Variants in DUSP15 observed in about 807,000 individuals in gnomAD.
DUSP15 encodes the protein dual specificity protein phosphatase 15.
Under a neutral mutation model 26.3 loss-of-function variants are expected in DUSP15, and 23 were observed. The observed-to-expected ratio is 0.87, with a 90% confidence interval of 0.63 to 1.24. DUSP15 has a LOEUF of 1.24. DUSP15 is among the 50% of genes most tolerant of loss of function. The probability of loss-of-function intolerance (pLI) is 0.00; values close to 1 mark genes in which losing one functional copy is unlikely to be tolerated. For missense variants in DUSP15, 364 were observed against 320.6 expected, an observed-to-expected ratio of 1.14 and a Z score of -1.03; for synonymous variants, 143 against 135.5, an observed-to-expected ratio of 1.06 and a Z score of -0.39.
chr20:31,847,299 C>A (rs779505147), downstream of DUSP15, among the ~76,000 whole-genome samples: 4 of 152,132 alleles, frequency 2.6e-5, no homozygotes, highest in Non-Finnish European at 4.4e-5. Flanking sequence ...ACTGCCTCTT[C>A]AGTGAGGGGC....
At chr20:31,868,967 C>G (rs573399215) in intron 2 of DUSP15, among the ~76,000 whole-genome samples, 2 of 152,268 alleles carry the variant, frequency 1.3e-5, no homozygotes, top group Admixed American at 1.3e-4. Context: ...GGCTCACCGC[C>G]CCCCCAACTT....
intron 6 of DUSP15, among the ~76,000 whole-genome samples, chr20:31,854,866 C>T (rs2062536373): frequency 6.6e-6 from 1 of 152,194 alleles, no homozygotes; most frequent in Non-Finnish European, 1.5e-5. Context: ...AGGGGAAATA[C>T]AGGGCTAGGT....
chr20:31,869,576 C>T lies in DUSP15; in HGVS notation c.43G>A (p.Gly15Arg), dbSNP rs771823769. ...GGGCAGTGCTCACCAATGAAGTTTCCGAGGTAGAGTCCAGGAAGTACCTAG... is the reference window on the plus strand; with the variant it reads ...GGGCAGTGCTCACCAATGAAGTTTCTGAGGTAGAGTCCAGGAAGTACCTAG... ...MTKVLPGLYL[G>R]NFIDAKDLDQ... The change falls in exon 2 of 7, where the codon GGA becomes AGA. Residue 15 changes from glycine to arginine, a missense_variant. Coordinates refer to ENST00000339738, the MANE Select transcript of DUSP15 (RefSeq NM_080611.5). The T allele has an allele frequency of 5.0e-6, 8 of 1,613,422 alleles. No individual in the cohort carries two copies. The highest frequency in any genetic ancestry group is 2.2e-5 in the East Asian group (1 of 44,848).
chr20:31,863,948 G>T lies in DUSP15; in HGVS notation c.222C>A (p.Ile74=). ...TCCCCCCATTAAGGCGGCAGCAGTG[G>T]ATGAAGTTGATACATTCTTTGAAGT... The part of the protein sequence containing the change: ...KKHFKECINF[I]HCCRLNGGNC... The change falls in exon 5 of 7, where the codon ATC becomes ATA. Residue 74 remains isoleucine (I), a synonymous_variant. Coordinates refer to ENST00000339738, the MANE Select transcript of DUSP15 (RefSeq NM_080611.5). 1.2e-6 allele frequency: 2 copies of T among 1,614,072 alleles called. No individual in the cohort carries two copies. The highest frequency in any genetic ancestry group is 8.5e-7 in the Non-Finnish European group (1 of 1,179,984).
chr20:31,870,268 CGGCGGCCGG>C lies in DUSP15; in HGVS notation c.21+40_21+48del. ...GACCGAGCTGGTCAGCGCCGGGCCG[CGGCGGCCGG>C]GGCGGGGACCGGGGAGGCTGCGCGG... is the stretch of plus-strand genomic sequence containing the variant. On this transcript the variant is annotated intron_variant, in intron 1 of 6. Transcript: ENST00000339738. This position sits in a 1 kb window ranked among gnomAD's most constrained non-coding sequence, Gnocchi z 6.6. The C allele has an allele frequency of 8.2e-7, 1 of 1,225,966 alleles. No individual in the cohort carries two copies. The highest frequency in any genetic ancestry group is 1.0e-6 in the Non-Finnish European group (1 of 984,170). 75.9% of individuals were successfully genotyped at this position (1,225,966 alleles called of 1,614,324 possible).
chr20:31,863,464 T>C (rs1227400036), intron 5 of DUSP15, among the ~76,000 whole-genome samples: 1 of 152,106 alleles, frequency 6.6e-6, no homozygotes, highest in Non-Finnish European at 1.5e-5. Flanking sequence ...AGTTAAGGAA[T>C]GAATGACATC....
chr20:31,870,397 C>A lies in DUSP15; in HGVS notation c.-60G>T. ...CTCGCCGCCCGGGAAGCGATCCGGTCACAGCTGCCCTGACGGCCCAGGCCC... is the reference window on the plus strand; with the variant it reads ...CTCGCCGCCCGGGAAGCGATCCGGTAACAGCTGCCCTGACGGCCCAGGCCC... On this transcript the variant is annotated 5_prime_UTR_variant, in exon 1 of 7. Transcript: ENST00000339738. The surrounding 1 kb of genome is among the most constrained non-coding windows in gnomAD (Gnocchi z 6.6). 1 of 1,284,438 alleles carries A rather than the reference C, an allele frequency of 7.8e-7. No homozygotes were observed. Among genetic ancestry groups the A allele is most frequent in the South Asian group, 3.3e-5 (1 of 30,554 alleles). The allele number at this position is 1,284,438 out of a possible 1,614,324, so 79.6% of individuals were successfully genotyped here.
In DUSP15 at chr20:31,870,046, ACTGGGAGACAGC is replaced by A. The variant is rs2062887033; in HGVS notation, c.21+259_21+270del. On this transcript the variant is annotated intron_variant, in intron 1 of 6. Coordinates refer to ENST00000339738, the MANE Select transcript of DUSP15 (RefSeq NM_080611.5). This position sits in a 1 kb window ranked among gnomAD's most constrained non-coding sequence, Gnocchi z 6.6. The stretch of plus-strand genomic sequence containing the variant: ...CACATGCAGACGGAGAGCAGGACTC[ACTGGGAGACAGC>A]CTGGGAGTGACAGCCACAGCAAGAC... 1 of 1,283,020 alleles carries A rather than the reference ACTGGGAGACAGC, an allele frequency of 7.8e-7. No individual in the cohort carries two copies. Among genetic ancestry groups the A allele is most frequent in the Non-Finnish European group, 9.8e-7 (1 of 1,016,594 alleles). The allele number at this position is 1,283,020 out of a possible 1,614,324, so 79.5% of individuals were successfully genotyped here. A position where few individuals can be genotyped will look rare whatever the true frequency, so the allele number is the denominator to read the frequency against.
At chr20:31,852,686 C>T (rs1345556430) in intron 6 of DUSP15, among the ~76,000 whole-genome samples, 2 of 152,212 alleles carry the variant, frequency 1.3e-5, no homozygotes, top group Non-Finnish European at 2.9e-5. Flanking sequence ...TGGCAGGCGC[C>T]TGTAATCCCA....
At chr20:31,850,104 G>T (rs2062443053) in intron 7 of DUSP15, among the ~76,000 whole-genome samples, 1 of 152,242 alleles carries the variant, frequency 6.6e-6, no homozygotes, top group Admixed American at 6.5e-5. Context: ...GTTAAAAGCT[G>T]GGGCCATCTG....
In DUSP15 at chr20:31,855,857, A is replaced by G. The variant is rs561595247; in HGVS notation, c.427-5181T>C. ...TGAGCCTTCACCTTTGGAGTCAGTG[A>G]TGACTTGGAAGAAGCACTGAGTTGG... On this transcript the variant is annotated intron_variant, in intron 6 of 9. Coordinates refer to the DUSP15 transcript ENST00000278979. Among the ~76,000 whole-genome samples the G allele has an allele frequency of 6.6e-5, 10 of 152,334 alleles. No homozygotes were observed. In the South Asian group the frequency reaches 1.7e-3, roughly 25 times the overall value.
intron 8 of DUSP15, chr20:31,849,539 G>T: frequency 1.1e-6 from 1 of 907,408 alleles, no homozygotes; most frequent in South Asian, 1.3e-5. Context: ...CCGTCCTACC[G>T]CCTGGAGGAA....
In DUSP15 at chr20:31,870,260, C is replaced by T. The variant is rs2123330052; in HGVS notation, c.21+57G>A. The T allele has an allele frequency of 1.6e-6, 2 of 1,225,826 alleles. No individual in the cohort carries two copies. The highest frequency in any genetic ancestry group is 4.1e-5 in the South Asian group (1 of 24,198). 75.9% of individuals were successfully genotyped at this position (1,225,826 alleles called of 1,614,324 possible). Reference sequence around the variant, plus strand: ...GGCGGGCGGACCGAGCTGGTCAGCGCCGGGCCGCGGCGGCCGGGGCGGGGA... The same window carrying T: ...GGCGGGCGGACCGAGCTGGTCAGCGTCGGGCCGCGGCGGCCGGGGCGGGGA... On this transcript the variant is annotated intron_variant, in intron 1 of 6. Transcript: ENST00000339738. The surrounding 1 kb of genome is among the most constrained non-coding windows in gnomAD (Gnocchi z 6.6).
chr20:31,848,827 C>T (rs1336553216), exon 9 of DUSP15: 3 of 1,612,038 alleles, frequency 1.9e-6, no homozygotes, highest in Non-Finnish European at 2.5e-6. Context: ...TGAGCTGCTC[C>T]TTGGGGTGCT....
downstream of DUSP15, among the ~76,000 whole-genome samples, chr20:31,846,438 T>TG: frequency 9.2e-6 from 1 of 108,412 alleles, no homozygotes; most frequent in African/African-American, 5.3e-5. Context: ...GTGAAAGGAA[T>TG]GAATAGAGAG....
At chr20:31,868,272 TACTC>T (rs1028854649) in intron 2 of DUSP15, among the ~76,000 whole-genome samples, 3 of 152,024 alleles carry the variant, frequency 2.0e-5, no homozygotes, top group Non-Finnish European at 2.9e-5. Flanking sequence ...CTTGGCCAAA[TACTC>T]ACAGAAATCA....
chr20:31,869,069 C>T (rs1024264706), intron 2 of DUSP15, among the ~76,000 whole-genome samples: 5 of 152,184 alleles, frequency 3.3e-5, no homozygotes, highest in Non-Finnish European at 5.9e-5. Context: ...AGCCCATCTC[C>T]AGGGACCTCT....
chr20:31,849,404 C>G (rs2062424407), intron 8 of DUSP15: 3 of 456,274 alleles, frequency 6.6e-6, no homozygotes, highest in Non-Finnish European at 1.2e-5. Flanking sequence ...CCACTTCATG[C>G]CCAGCACCCT....
At chr20:31,849,151 A>C (rs1010176829) in intron 8 of DUSP15, among the ~76,000 whole-genome samples, 1 of 151,016 alleles carries the variant, frequency 6.6e-6, no homozygotes, top group African/African-American at 2.5e-5. Context: ...CTTTATGCCC[A>C]ACCCATGCCC....
Sources: allele counts gnomAD v4.1 joint callset (sites outside exome capture counted in the v4.1 genomes callset), GRCh38; gene constraint gnomAD v4.1.1; non-coding constraint Gnocchi (gnomAD v3.1); transcripts MANE v1.5; gene names NCBI Gene and HGNC (gene_info 2026-07-23, HGNC 2026-07-21).